Variants in TMEFF1 observed in about 807,000 individuals in gnomAD.
The protein encoded by TMEFF1 is transmembrane protein with EGF like and two follistatin like domains 1.
A neutral mutation model predicts 47.5 loss-of-function variants in TMEFF1; 20 were observed. The observed-to-expected ratio is 0.42, with a 90% CI of 0.30 to 0.61. The LOEUF (loss-of-function observed/expected upper bound fraction) is 0.61. Among genes scored for constraint, TMEFF1 ranks in the 20% least tolerant of loss-of-function variants. The pLI, the probability that TMEFF1 is intolerant of heterozygous loss-of-function variation, is 0.19. For missense variants in TMEFF1, 411 were observed against 471.1 expected (o/e 0.87, Z 1.18); for synonymous variants, 162 against 166.3 (o/e 0.97, Z 0.20).
chr9:100,538,745 G>A lies in TMEFF1; in HGVS notation c.561-8999G>A, dbSNP rs552565639. Among the ~76,000 whole-genome samples the A allele has an allele frequency of 7.2e-5, 11 of 152,168 alleles. No homozygotes were observed. In the South Asian group the frequency reaches 2.3e-3, roughly 32 times the overall value. On this transcript the variant is annotated intron_variant, in intron 5 of 9. Transcript: ENST00000374879. ...ATTTATGTTGATGCACATAGCTGTA[G>A]TTAATTCAGTTTTACTGCTTGTTGA...
At chr9:100,530,413 G>T (rs1319233633) in intron 5 of TMEFF1, among the ~76,000 whole-genome samples, 1 of 152,024 alleles carries the variant, frequency 6.6e-6, no homozygotes, top group East Asian at 1.9e-4. Flanking sequence ...TATCACCACC[G>T]ATCCCACAGA....
At chr9:100,483,500 AAAAC>A (rs57384867) in intron 1 of TMEFF1, among the ~76,000 whole-genome samples, 5,786 of 150,592 alleles carry the variant, frequency 0.038, 144 homozygotes, top group African/African-American at 0.062. Flanking sequence ...AACATCTCAA[AAAAC>A]AAACAAACAA....
At chr9:100,492,199 A>G (rs1310839744) in intron 1 of TMEFF1, among the ~76,000 whole-genome samples, 1 of 152,198 alleles carries the variant, frequency 6.6e-6, no homozygotes, top group Admixed American at 6.5e-5. Flanking sequence ...TTTCTTGAAC[A>G]AACCACTTGT....
intron 1 of TMEFF1, among the ~76,000 whole-genome samples, chr9:100,485,168 C>T (rs913656923): frequency 1.1e-4 from 17 of 152,094 alleles, no homozygotes; most frequent in African/African-American, 3.6e-4. Context: ...CTCGATAATA[C>T]CACATTTTGT....
chr9:100,530,981 A>G (rs570713052), intron 5 of TMEFF1, among the ~76,000 whole-genome samples: 11 of 151,914 alleles, frequency 7.2e-5, no homozygotes, highest in Admixed American at 4.6e-4. Context: ...GCCAAAGACA[A>G]AAACCACATG....
chr9:100,484,468 G>A (rs1424190471), intron 1 of TMEFF1, among the ~76,000 whole-genome samples: 1 of 151,952 alleles, frequency 6.6e-6, no homozygotes, highest in Non-Finnish European at 1.5e-5. Flanking sequence ...ATAAGCGCCC[G>A]CCACCATGCC....
At chr9:100,543,353 C>T (rs1838669153) in intron 5 of TMEFF1, among the ~76,000 whole-genome samples, 1 of 152,044 alleles carries the variant, frequency 6.6e-6, no homozygotes, top group African/African-American at 2.4e-5. Flanking sequence ...TAAATCTGCC[C>T]ATTGCATTTC....
chr9:100,572,129 T>C (rs1839251393), intron 8 of TMEFF1, among the ~76,000 whole-genome samples: 1 of 151,998 alleles, frequency 6.6e-6, no homozygotes, highest in Admixed American at 6.6e-5. Flanking sequence ...ACATGATAAA[T>C]ATACGTAATT....
intron 2 of TMEFF1, among the ~76,000 whole-genome samples, chr9:100,502,364 C>CT (rs988349819): frequency 5.3e-5 from 8 of 151,090 alleles, no homozygotes; most frequent in African/African-American, 1.7e-4. Flanking sequence ...ATTTATCTGT[C>CT]TTTTTTTTTG....
intron 5 of TMEFF1, among the ~76,000 whole-genome samples, chr9:100,537,740 G>A (rs910219584): frequency 2.0e-5 from 3 of 152,144 alleles, no homozygotes; most frequent in Non-Finnish European, 2.9e-5. Context: ...TTTCACCCAC[G>A]CATAGTAGAT....
intron 1 of TMEFF1, among the ~76,000 whole-genome samples, chr9:100,474,290 C>T (rs919381812): frequency 5.3e-5 from 8 of 151,262 alleles, no homozygotes; most frequent in Non-Finnish European, 8.9e-5. Flanking sequence ...AACGGGTTGT[C>T]TTGAGGACGC....
At chr9:100,542,232 C>T (rs1838647685) in intron 5 of TMEFF1, among the ~76,000 whole-genome samples, 1 of 152,026 alleles carries the variant, frequency 6.6e-6, no homozygotes, top group Middle Eastern at 3.4e-3. Flanking sequence ...TCCTTAATGT[C>T]ACTGTTCTCC....
Position 100,547,891 on chromosome 9 carries a change from A to G in TMEFF1, c.708A>G (p.Thr236=). Residue 236 remains threonine, a splice_region_variant and synonymous_variant, in exon 6 of 10, where the codon ACA becomes ACG. Coordinates refer to ENST00000374879, the MANE Select transcript of TMEFF1 (RefSeq NM_003692.5). Reference sequence around the variant, plus strand: ...ATATAAGGCATCTTGGTCATTGCACAGGTAAAATCCATTTTATTTATTCAG... The same window carrying G: ...ATATAAGGCATCTTGGTCATTGCACGGGTAAAATCCATTTTATTTATTCAG... ...QIDIRHLGHC[T]DTDDTSLLGK... The G allele has an allele frequency of 6.3e-7, 1 of 1,587,190 alleles. No individual in the cohort carries two copies. Among genetic ancestry groups the G allele is most frequent in the Non-Finnish European group, 8.6e-7 (1 of 1,169,242 alleles).
At chr9:100,516,634 C>A (rs1238979446) in intron 4 of TMEFF1, 41 bp from the exon 5 acceptor site, 23 of 1,600,798 alleles carry the variant, frequency 1.4e-5, no homozygotes, top group Non-Finnish European at 1.9e-5. Context: ...TGGAAAGGAT[C>A]CCAACTTTTG....
chr9:100,522,461 G>A (rs189141952), intron 5 of TMEFF1, among the ~76,000 whole-genome samples: 1 of 91,030 alleles, frequency 1.1e-5, no homozygotes, highest in Non-Finnish European at 2.3e-5. Context: ...TTTTTGAGAC[G>A]GAGTTTTGCT....
intron 1 of TMEFF1, among the ~76,000 whole-genome samples, chr9:100,491,080 A>G (rs1483642569): frequency 6.6e-6 from 1 of 151,942 alleles, no homozygotes; most frequent in African/African-American, 2.4e-5. Context: ...TAATAAGCTT[A>G]TTTCCATATT....
Position 100,577,127 on chromosome 9 carries a change from TG to T in TMEFF1, c.*531del, listed in dbSNP as rs1415991371. On this transcript the variant is annotated 3_prime_UTR_variant, in exon 10 of 10. Coordinates refer to ENST00000374879, the MANE Select transcript of TMEFF1 (RefSeq NM_003692.5). ...TAAAATATTTATAAGATATATGGAC[TG>T]GGGAATTTGATTATTCCTCCCTTTG... 2.0e-5 allele frequency: 3 copies of T among 152,656 alleles called. No individual in the cohort carries two copies. Among genetic ancestry groups the T allele is most frequent in the Non-Finnish European group, 4.4e-5 (3 of 68,056 alleles). The allele number at this position is 152,656 out of a possible 1,614,324, so 9.5% of individuals were successfully genotyped here.
intron 8 of TMEFF1, among the ~76,000 whole-genome samples, chr9:100,564,342 T>G (rs1210303423): frequency 6.6e-6 from 1 of 152,232 alleles, no homozygotes; most frequent in African/African-American, 2.4e-5. Flanking sequence ...CCCAAAGTGC[T>G]GGGATTACAG....
Position 100,547,787 on chromosome 9 carries a change from G to C in TMEFF1, c.604G>C (p.Val202Leu), listed in dbSNP as rs889716916. Residue 202 changes from valine to leucine, a missense_variant, in exon 6 of 10, where the codon GTG becomes CTG. By Grantham distance (32) the Val-to-Leu change is conservative. Transcript: ENST00000374879. Reference sequence around the variant, plus strand: ...TTGCAGTGGATACAGTTTTAATCCTGTGTGTGCTTCTGATGGGAGTTCCTA... The same window carrying C: ...TTGCAGTGGATACAGTTTTAATCCTCTGTGTGCTTCTGATGGGAGTTCCTA... ...IDCSGYSFNP[V>L]CASDGSSYNN... is the part of the protein sequence containing the mutation. The C allele has an allele frequency of 1.2e-6, 2 of 1,607,078 alleles. No individual in the cohort carries two copies. Among genetic ancestry groups the C allele is most frequent in the African/African-American group, 2.7e-5 (2 of 74,600 alleles).
Sources: gnomAD v4.1 joint callset for allele counts (sites outside exome capture counted in the v4.1 genomes callset) on GRCh38, gnomAD v4.1.1 for gene constraint, MANE v1.5 for transcripts, NCBI Gene and HGNC (gene_info 2026-07-23, HGNC 2026-07-21) for gene names.